XYLT1: variants seen among roughly 807,000 people sequenced by gnomAD.
XYLT1 encodes the protein xylosyltransferase 1.
A neutral mutation model predicts 91.3 loss-of-function variants in XYLT1; 36 were observed. That is an observed-to-expected ratio of 0.39 (90% CI 0.30 to 0.52). The LOEUF (loss-of-function observed/expected upper bound fraction) is 0.52, where lower values mean the gene tolerates loss of function less well. XYLT1 is among the 20% of genes least tolerant of loss of function. The pLI, the probability that XYLT1 is intolerant of heterozygous loss-of-function variation, is 0.68. For synonymous variants in XYLT1, 588 were observed against 532.0 expected (o/e 1.11, Z -1.45); for missense variants, 1,242 against 1,284.5 (o/e 0.97, Z 0.51).
At chr16:17,434,403 A>G (rs183975473) in intron 1 of XYLT1, among the ~76,000 whole-genome samples, 2 of 152,344 alleles carry the variant, frequency 1.3e-5, no homozygotes, top group East Asian at 3.9e-4. Context: ...TATCCACACA[A>G]TGCCTTTCTG....
At position 17,365,691 on chromosome 16, in the gene XYLT1, A is replaced by C. The variant is rs563476912; in HGVS notation, c.364-7641T>G. Among the ~76,000 whole-genome samples the C allele has an allele frequency of 5.0e-4, 76 of 152,220 alleles. 2 individuals carry two copies. In the South Asian group the frequency reaches 0.013, roughly 26 times the overall value. On this transcript the variant is annotated intron_variant, in intron 1 of 11. Transcript: ENST00000261381. ...TCATTCTACATTTTTTTAGCCCAGG[A>C]CCCAGAAATGAGCAGTAGAACCTTA...
At chr16:17,331,741 C>T (rs1310726912) in intron 2 of XYLT1, among the ~76,000 whole-genome samples, 2 of 152,156 alleles carry the variant, frequency 1.3e-5, no homozygotes, top group Non-Finnish European at 1.5e-5. Context: ...ACAGCCAGGA[C>T]TCAAACCAAG....
rs1215813748 is a variant in XYLT1, at chr16:17,448,061, C to T, written c.363+22373G>A. ...TCCCAGATTTCAGAAAGGCTATTTA[C>T]TAAATATTAAAAATGTGTATCTTTG... On this transcript the variant is annotated intron_variant, in intron 1 of 11. Coordinates refer to ENST00000261381, the MANE Select transcript of XYLT1 (RefSeq NM_022166.4). Among the ~76,000 whole-genome samples, 3 of 152,260 alleles carry T rather than the reference C, an allele frequency of 2.0e-5. No individual in the cohort carries two copies. The East Asian group carries it at 5.8e-4, about 29-fold the overall frequency.
intron 1 of XYLT1, among the ~76,000 whole-genome samples, chr16:17,400,781 G>A (rs2035957139): frequency 6.6e-6 from 1 of 152,100 alleles, no homozygotes; most frequent in African/African-American, 2.4e-5. Flanking sequence ...AACAAGGTGT[G>A]GAGTTAGAGC....
intron 1 of XYLT1, among the ~76,000 whole-genome samples, chr16:17,391,966 T>A (rs1184913460): frequency 3.9e-5 from 6 of 152,208 alleles, no homozygotes; most frequent in Non-Finnish European, 7.3e-5. Flanking sequence ...TCCACAGCCA[T>A]GTGGAACGTT....
intron 1 of XYLT1, among the ~76,000 whole-genome samples, chr16:17,464,073 G>A (rs1300883131): frequency 6.6e-6 from 1 of 151,876 alleles, no homozygotes; most frequent in African/African-American, 2.4e-5. Flanking sequence ...GGTGATTAGG[G>A]GAGTAGGGAG....
chr16:17,422,538 C>A (rs2036262632), intron 1 of XYLT1, among the ~76,000 whole-genome samples: 2 of 151,884 alleles, frequency 1.3e-5, no homozygotes, highest in Admixed American at 1.3e-4. Context: ...GAGACAGAGT[C>A]TTACTCTGTC....
chr16:17,459,331 C>T (rs537886864), intron 1 of XYLT1, among the ~76,000 whole-genome samples: 1 of 152,326 alleles, frequency 6.6e-6, no homozygotes, highest in East Asian at 1.9e-4. Context: ...GAGATCAAAC[C>T]ACTGCATTCT....
At chr16:17,223,908 G>A (rs996938424) in intron 3 of XYLT1, among the ~76,000 whole-genome samples, 12 of 152,226 alleles carry the variant, frequency 7.9e-5, no homozygotes, top group Non-Finnish European at 1.8e-4. Context: ...TAGACAGTTT[G>A]CCCTGTGTGA....
rs1966815726 is a variant in XYLT1 at position 17,108,918 on chromosome 16, G to A, written c.2657C>T (p.Ala886Val). Residue 886 changes from alanine (A) to valine (V), a missense_variant, in exon 12 of 12, where the codon GCC (alanine) becomes GTC (valine). By Grantham distance (64) the Ala-to-Val change is moderately conservative (BLOSUM62 0). Coordinates refer to ENST00000261381, the MANE Select transcript of XYLT1 (RefSeq NM_022166.4). ...NPVLSLPINP[A>V]QVEQARRNAA... is the part of the protein sequence containing the mutation. ...GTTCCTCCGTGCCTGTTCCACCTGGGCGGGGTTGATGGGCAGGCTGAGGAC... is the reference window on the plus strand; with the variant it reads ...GTTCCTCCGTGCCTGTTCCACCTGGACGGGGTTGATGGGCAGGCTGAGGAC... 2 of 1,602,412 alleles carry A rather than the reference G, an allele frequency of 1.2e-6. No individual in the cohort carries two copies. Among genetic ancestry groups the A allele is most frequent in the Non-Finnish European group, 8.5e-7 (1 of 1,171,382 alleles).
intron 2 of XYLT1, among the ~76,000 whole-genome samples, chr16:17,333,591 A>T (rs7199922): frequency 0.64 from 90,316 of 140,444 alleles, 29,010 homozygotes; most frequent in African/African-American, 0.77. Flanking sequence ...AATTTAATTT[A>T]TTTTTTTTTT....
At chr16:17,284,475 A>T (rs1247661015) in intron 2 of XYLT1, among the ~76,000 whole-genome samples, 1 of 152,240 alleles carries the variant, frequency 6.6e-6, no homozygotes, top group Non-Finnish European at 1.5e-5. Flanking sequence ...AAAGAAAGAT[A>T]AGACAGGAGA....
intron 3 of XYLT1, among the ~76,000 whole-genome samples, chr16:17,217,956 AT>A (rs1303870389): frequency 3.2e-5 from 4 of 125,570 alleles, no homozygotes; most frequent in Non-Finnish European, 5.7e-5. Context: ...AATAATAATA[AT>A]AAAAAAAAAA....
chr16:17,322,045 T>C (rs563470619), intron 2 of XYLT1, among the ~76,000 whole-genome samples: 1 of 152,306 alleles, frequency 6.6e-6, no homozygotes. Context: ...CAATAGCCAC[T>C]ACTTTCTGAG....
chr16:17,398,819 C>CCA (rs1555454011), intron 1 of XYLT1, among the ~76,000 whole-genome samples: 2 of 17,936 alleles, frequency 1.1e-4, no homozygotes, highest in Non-Finnish European at 2.5e-4. Flanking sequence ...AATGTCCCCG[C>CCA]CCCCCCCCAC....
intron 5 of XYLT1, among the ~76,000 whole-genome samples, chr16:17,160,314 C>G (rs1005418732): frequency 6.6e-6 from 1 of 152,208 alleles, no homozygotes; most frequent in African/African-American, 2.4e-5. Flanking sequence ...AATCAATGCA[C>G]GTCGTCCTGC....
intron 2 of XYLT1, among the ~76,000 whole-genome samples, chr16:17,262,180 A>G (rs117163144): frequency 6.6e-6 from 1 of 152,318 alleles, no homozygotes; most frequent in East Asian, 1.9e-4. Flanking sequence ...CGAGGAGCCA[A>G]CGCTTGTTGT....
chr16:17,464,886 C>A (rs538012908), intron 1 of XYLT1, among the ~76,000 whole-genome samples: 2 of 151,856 alleles, frequency 1.3e-5, no homozygotes, highest in African/African-American at 4.8e-5. Flanking sequence ...GTGGCTCAGG[C>A]CTGTAGTCCC....
chr16:17,184,141 G>A (rs901823778), intron 5 of XYLT1, among the ~76,000 whole-genome samples: 12 of 147,902 alleles, frequency 8.1e-5, no homozygotes, highest in African/African-American at 2.3e-4. Flanking sequence ...CATGGATACC[G>A]TCCATACTCT....
Sources: allele counts gnomAD v4.1 joint callset (sites outside exome capture counted in the v4.1 genomes callset), GRCh38; gene constraint gnomAD v4.1.1; transcripts MANE v1.5; gene names NCBI Gene and HGNC (gene_info 2026-07-23, HGNC 2026-07-21).